RAP1B: variants seen among roughly 807,000 people sequenced by gnomAD.
RAP1B encodes the protein RAP1B, member of RAS oncogene family.
Under a neutral mutation model 27.5 loss-of-function variants are expected in RAP1B, and 1 was observed. The observed-to-expected ratio is 0.04, with a 90% CI of 0.01 to 0.17. RAP1B has a LOEUF of 0.17. Ranked by LOEUF, RAP1B falls within the 10% of genes least tolerant of loss-of-function variation. RAP1B has a pLI of 1.00. For missense variants in RAP1B, 84 were observed against 214.8 expected (o/e 0.39, Z 3.81); for synonymous variants, 75 against 73.1 (o/e 1.03, Z -0.13).
intron 1 of RAP1B, chr12:68,627,215 A>G: frequency 1.4e-6 from 2 of 1,470,826 alleles, no homozygotes; most frequent in Non-Finnish European, 1.9e-6. Flanking sequence ...GGTCAGAAAC[A>G]TGAACATCCA....
chr12:68,614,851 C>G (rs1351140828), intron 1 of RAP1B, among the ~76,000 whole-genome samples: 1 of 152,116 alleles, frequency 6.6e-6, no homozygotes, highest in Admixed American at 6.5e-5. Flanking sequence ...GTACTAATTG[C>G]CATTTGAGGT....
chr12:68,614,122 A>T (rs1870811253), intron 1 of RAP1B, among the ~76,000 whole-genome samples: 1 of 152,224 alleles, frequency 6.6e-6, no homozygotes, highest in Non-Finnish European at 1.5e-5. Context: ...ATGTTATTTT[A>T]AATGCAGTCC....
intron 1 of RAP1B, among the ~76,000 whole-genome samples, chr12:68,647,393 C>G (rs1592458690): frequency 1.9e-5 from 1 of 53,368 alleles, no homozygotes; most frequent in Non-Finnish European, 4.3e-5. Flanking sequence ...CCCCGCCCCC[C>G]CCCCCCCCCC....
chr12:68,646,799 G>A (rs966927738), intron 1 of RAP1B, among the ~76,000 whole-genome samples: 1 of 152,162 alleles, frequency 6.6e-6, no homozygotes, highest in African/African-American at 2.4e-5. Flanking sequence ...GGCTCTGTTT[G>A]TACAAGTAGC....
At chr12:68,644,360 G>A (rs995176082) in intron 1 of RAP1B, among the ~76,000 whole-genome samples, 3 of 152,238 alleles carry the variant, frequency 2.0e-5, no homozygotes, top group Non-Finnish European at 4.4e-5. Flanking sequence ...GGAGGCCAAG[G>A]CGGGCGGATC....
At chr12:68,641,568 G>C (rs191463059) in intron 1 of RAP1B, among the ~76,000 whole-genome samples, 15 of 152,292 alleles carry the variant, frequency 9.8e-5, no homozygotes, top group Admixed American at 5.2e-4. Context: ...TATTTTGCAA[G>C]AAGTAAATAG....
intron 1 of RAP1B, among the ~76,000 whole-genome samples, chr12:68,615,945 A>C (rs1208046927): frequency 1.3e-5 from 2 of 148,302 alleles, no homozygotes; most frequent in East Asian, 4.0e-4. Flanking sequence ...GCATCCATTA[A>C]AAACTCTAGT....
chr12:68,611,291 C>T (rs1870557495), intron 1 of RAP1B, among the ~76,000 whole-genome samples: 3 of 150,802 alleles, frequency 2.0e-5, no homozygotes, highest in South Asian at 4.2e-4. Flanking sequence ...GAACAGCGCG[C>T]TTTGCGGAAG....
At chr12:68,632,500 T>G (rs1171521900) in intron 1 of RAP1B, among the ~76,000 whole-genome samples, 2 of 152,122 alleles carry the variant, frequency 1.3e-5, no homozygotes, top group Non-Finnish European at 2.9e-5. Flanking sequence ...GTTTGGAAGA[T>G]TATACTCATA....
intron 7 of RAP1B, among the ~76,000 whole-genome samples, chr12:68,658,516 C>A (rs2135973410): frequency 6.6e-6 from 1 of 152,314 alleles, no homozygotes. Flanking sequence ...CAAGTCTGAT[C>A]ACCAGAAAAA....
intron 1 of RAP1B, among the ~76,000 whole-genome samples, chr12:68,629,000 T>C (rs917352116): frequency 6.7e-6 from 1 of 149,272 alleles, no homozygotes; most frequent in Non-Finnish European, 1.5e-5. Flanking sequence ...TTTTATTTAT[T>C]TATTTATCTT....
At chr12:68,642,845 G>A (rs757390892) in intron 1 of RAP1B, 163 of 990,364 alleles carry the variant, frequency 1.6e-4, no homozygotes, top group Admixed American at 5.1e-5. Flanking sequence ...GTCGATAACC[G>A]GTGGATTCTC....
rs928045984 is a variant in RAP1B, at chr12:68,664,564, A to G, written c.*5315A>G. 6.6e-6 allele frequency: 1 copy of G among 151,876 alleles called. No homozygotes were observed. The highest frequency in any genetic ancestry group is 1.5e-5 in the Non-Finnish European group (1 of 67,966). 9.4% of individuals were successfully genotyped at this position (151,876 alleles called of 1,614,324 possible). A position where few individuals can be genotyped will look rare whatever the true frequency, so the allele number is the denominator to read the frequency against. ...CTCTACTAAAAATAACAAAAATTAG[A>G]CGGGCACGGTGGTGTGTGCCTGTAA... On this transcript the variant is annotated 3_prime_UTR_variant, in exon 8 of 8. Transcript: ENST00000250559.
intron 1 of RAP1B, among the ~76,000 whole-genome samples, chr12:68,643,555 TAAAG>T (rs1348498338): frequency 2.0e-5 from 3 of 152,194 alleles, no homozygotes; most frequent in Non-Finnish European, 4.4e-5. Flanking sequence ...AATTAAGACT[TAAAG>T]AATAGAATTA....
In RAP1B at chr12:68,664,901, T is replaced by C. The variant is rs183386928; in HGVS notation, c.*5652T>C. ...TTTGTAAAATATATGGACTGTTTGCTTTATATTCCCAACTATTACATCTGG... is the reference window on the plus strand; with the variant it reads ...TTTGTAAAATATATGGACTGTTTGCCTTATATTCCCAACTATTACATCTGG... On this transcript the variant is annotated 3_prime_UTR_variant, in exon 8 of 8. Coordinates refer to ENST00000250559, the MANE Select transcript of RAP1B (RefSeq NM_001010942.3). 1.3e-5 allele frequency: 2 copies of C among 152,232 alleles called. No individual in the cohort carries two copies. Among genetic ancestry groups the C allele is most frequent in the Non-Finnish European group, 2.9e-5 (2 of 68,038 alleles). 9.4% of individuals were successfully genotyped at this position (152,232 alleles called of 1,614,324 possible).
At chr12:68,612,663 A>T (rs1296449273) in intron 1 of RAP1B, among the ~76,000 whole-genome samples, 1 of 152,230 alleles carries the variant, frequency 6.6e-6, no homozygotes, top group Non-Finnish European at 1.5e-5. Flanking sequence ...GTCAAATAGG[A>T]GAAAAAACCA....
intron 1 of RAP1B, among the ~76,000 whole-genome samples, chr12:68,628,166 C>G (rs1349589403): frequency 6.6e-6 from 1 of 152,106 alleles, no homozygotes; most frequent in African/African-American, 2.4e-5. Flanking sequence ...GCAGCTAGGG[C>G]ACAAGTACTT....
chr12:68,662,592 GTT>G lies in RAP1B; in HGVS notation c.*3346_*3347del, dbSNP rs1488443167. 1 of 151,526 alleles carries G rather than the reference GTT, an allele frequency of 6.6e-6. No homozygotes were observed. The highest frequency in any genetic ancestry group is 2.4e-5 in the African/African-American group (1 of 41,226). 9.4% of individuals were successfully genotyped at this position (151,526 alleles called of 1,614,324 possible). ...TTCTTTGAGTTAAACTCTTATCTGT[GTT>G]TTCATTGAATTTAATCTCCATCTAT... On this transcript the variant is annotated 3_prime_UTR_variant, in exon 8 of 8. Transcript: ENST00000250559.
chr12:68,642,182 T>C (rs1873061029), intron 1 of RAP1B, among the ~76,000 whole-genome samples: 2 of 152,244 alleles, frequency 1.3e-5, no homozygotes. Context: ...AGGCATATTA[T>C]TGTTAACTAG....
Sources: gnomAD v4.1 joint callset for allele counts (sites outside exome capture counted in the v4.1 genomes callset) on GRCh38, gnomAD v4.1.1 for gene constraint, MANE v1.5 for transcripts, NCBI Gene and HGNC (gene_info 2026-07-23, HGNC 2026-07-21) for gene names.